The following DIS3L2 variants were observed in gnomAD, a reference collection of about 807,000 sequenced individuals.
DIS3L2 encodes DIS3 like 3'-5' exoribonuclease 2, also known as DIS3-like exonuclease 2.
In DIS3L2, 34 loss-of-function variants were observed where a neutral mutation model predicts 97.5. The observed-to-expected ratio is 0.35, with a 90% CI of 0.27 to 0.46. DIS3L2 has a LOEUF of 0.46. Among genes scored for constraint, DIS3L2 ranks in the 20% least tolerant of loss-of-function variants. The probability of loss-of-function intolerance (pLI) is 1.00; values close to 1 mark genes in which losing one functional copy is unlikely to be tolerated. For missense variants in DIS3L2, 1,038 were observed against 1,146.0 expected, an observed-to-expected ratio of 0.91 and a Z score of 1.36; for synonymous variants, 435 against 445.2, an observed-to-expected ratio of 0.98 and a Z score of 0.29.
In DIS3L2 at chr2:232,176,690, G is replaced by A. The variant is rs188539124; in HGVS notation, c.1124+13058G>A. ...TACAACCTCCGCCTTCCAGGCTCAAGTAATCCTCTTACCTCAGCCTACCAA... is the reference window on the plus strand; with the variant it reads ...TACAACCTCCGCCTTCCAGGCTCAAATAATCCTCTTACCTCAGCCTACCAA... On this transcript the variant is annotated intron_variant, in intron 9 of 20. Coordinates refer to ENST00000325385, the MANE Select transcript of DIS3L2 (RefSeq NM_152383.5). 4.4e-4 allele frequency among the ~76,000 whole-genome samples: 67 copies of A among 151,686 alleles called. No individual in the cohort carries two copies. In the East Asian group the frequency reaches 8.7e-3, roughly 20 times the overall value.
intron 6 of DIS3L2, among the ~76,000 whole-genome samples, chr2:232,127,395 A>C (rs886686802): frequency 1.3e-5 from 2 of 152,216 alleles, no homozygotes; most frequent in Non-Finnish European, 2.9e-5. Context: ...GACTTCTCTT[A>C]GCTGATAATC....
At chr2:232,166,679 G>A (rs573901765) in intron 9 of DIS3L2, among the ~76,000 whole-genome samples, 5 of 152,228 alleles carry the variant, frequency 3.3e-5, no homozygotes, top group African/African-American at 1.2e-4. Context: ...TCGCACCACT[G>A]CAATCCAGCG....
At chr2:232,297,042 T>C (rs1694741193) in intron 13 of DIS3L2, among the ~76,000 whole-genome samples, 1 of 152,182 alleles carries the variant, frequency 6.6e-6, no homozygotes, top group Non-Finnish European at 1.5e-5. Context: ...ATGCCAGATG[T>C]TACTGGCACA....
intron 9 of DIS3L2, among the ~76,000 whole-genome samples, chr2:232,207,413 G>T (rs1217243695): frequency 6.6e-6 from 1 of 152,154 alleles, no homozygotes; most frequent in East Asian, 1.9e-4. Context: ...ACATGTCTGA[G>T]GTGCAGCCTC....
At chr2:232,247,944 G>A (rs182054513) in intron 11 of DIS3L2, among the ~76,000 whole-genome samples, 1 of 152,302 alleles carries the variant, frequency 6.6e-6, no homozygotes, top group African/African-American at 2.4e-5. Flanking sequence ...AGCTGTTAGC[G>A]AAGGCTGGTA....
intron 1 of DIS3L2, among the ~76,000 whole-genome samples, chr2:231,990,615 G>A (rs963149424): frequency 6.6e-5 from 10 of 152,050 alleles, no homozygotes; most frequent in African/African-American, 2.4e-4. Flanking sequence ...ACATTTTTGG[G>A]CCTTATTTGG....
rs573975002 is a variant in DIS3L2 at position 232,065,263 on chromosome 2, T to C, written c.367-22224T>C. Among the ~76,000 whole-genome samples, 11 of 152,056 alleles carry C rather than the reference T, an allele frequency of 7.2e-5. No individual in the cohort carries two copies. In the East Asian group the frequency reaches 1.9e-3, roughly 27 times the overall value. ...TTGACCAGCAGCTCCCATTTCTTTT[T>C]CCCCCCAGCTCCTGGCAACCACCAT... On this transcript the variant is annotated intron_variant, in intron 5 of 20. Transcript: ENST00000325385.
At position 232,268,547 on chromosome 2, in the gene DIS3L2, T is replaced by TG. The variant is rs1184019812; in HGVS notation, c.1659+5108dup. 2.0e-5 allele frequency among the ~76,000 whole-genome samples: 3 copies of TG among 152,252 alleles called. No individual in the cohort carries two copies. Among genetic ancestry groups the TG allele is most frequent in the African/African-American group, 7.2e-5 (3 of 41,468 alleles). The stretch of plus-strand genomic sequence containing the variant: ...TGTTGTAGTGTGAAAACACCAGCGT[T>TG]GCTTTAAATGGATAAATGTGGCTGT... On this transcript the variant is annotated intron_variant, in intron 13 of 20. Transcript: ENST00000325385. This position sits in a 1 kb window ranked among gnomAD's most constrained non-coding sequence, Gnocchi z 4.1.
intron 5 of DIS3L2, among the ~76,000 whole-genome samples, chr2:232,036,119 A>C (rs747172458): frequency 1.3e-5 from 2 of 152,168 alleles, no homozygotes; most frequent in Non-Finnish European, 2.9e-5. Context: ...GTGTTTTCCA[A>C]CTTGGTTCCA....
intron 1 of DIS3L2, among the ~76,000 whole-genome samples, chr2:231,990,266 C>T (rs1693547352): frequency 6.6e-6 from 1 of 151,850 alleles, no homozygotes; most frequent in Admixed American, 6.6e-5. Flanking sequence ...TTCCTTCCTT[C>T]ACTGGATGGA....
Position 232,333,960 on chromosome 2 carries a change from G to T in DIS3L2, c.2131G>T (p.Val711Leu). The T allele has an allele frequency of 6.2e-7, 1 of 1,612,508 alleles. No individual in the cohort carries two copies. Reference protein sequence around the residue: ...SPIRRFADVLVHRLLAAALGY... With the variant: ...SPIRRFADVLLHRLLAAALGY... ...CATCCGCCGCTTTGCCGACGTCCTGGTGCACCGCCTCCTGGCTGCCGCGTT... is the reference window on the plus strand; with the variant it reads ...CATCCGCCGCTTTGCCGACGTCCTGTTGCACCGCCTCCTGGCTGCCGCGTT... The change falls in exon 17 of 21, where the codon GTG becomes TTG. Residue 711 changes from valine to leucine, a missense_variant. Around this residue, in one of 3 missense-constraint regions of DIS3L2, gnomAD observed 221 missense variants for 246.9 expected, o/e 0.90. Coordinates refer to ENST00000325385, the MANE Select transcript of DIS3L2 (RefSeq NM_152383.5).
intron 8 of DIS3L2, 85 bp downstream of exon 8, chr2:232,136,804 A>C (rs1698372494): frequency 1.3e-6 from 2 of 1,507,212 alleles, no homozygotes; most frequent in African/African-American, 2.8e-5. Context: ...TGTGTATTTT[A>C]ATTATTATTT....
rs565406794 is a variant in DIS3L2 at position 232,325,289 on chromosome 2, C to T, written c.1740-4524C>T. On this transcript the variant is annotated intron_variant, in intron 14 of 20. Coordinates refer to ENST00000325385, the MANE Select transcript of DIS3L2 (RefSeq NM_152383.5). The surrounding 1 kb of genome is among the most constrained non-coding windows in gnomAD (Gnocchi z 4.6). ...AGGGTGAAGGACGCCCTGTCGTAAA[C>T]GCATGAAGAGCCCTGCGTTTCATAT... Among the ~76,000 whole-genome samples, 839 of 152,322 alleles carry T rather than the reference C, an allele frequency of 5.5e-3. No homozygotes were observed. Among genetic ancestry groups the T allele is most frequent in the Non-Finnish European group, 9.7e-3 (663 of 68,030 alleles).
intron 5 of DIS3L2, among the ~76,000 whole-genome samples, chr2:232,049,700 C>A (rs1469127093): frequency 6.6e-6 from 1 of 152,292 alleles, no homozygotes; most frequent in Non-Finnish European, 1.5e-5. Context: ...GCATTTATTT[C>A]TTTAACTTTT....
intron 13 of DIS3L2, among the ~76,000 whole-genome samples, chr2:232,342,196 CACATACATATAT>C (rs1477712816): frequency 1.4e-5 from 2 of 144,936 alleles, no homozygotes; most frequent in African/African-American, 5.6e-5. Flanking sequence ...TACATATATA[CACATACATATAT>C]ACACATATAT....
chr2:232,118,644 G>GT (rs2106339322), intron 6 of DIS3L2, among the ~76,000 whole-genome samples: 1 of 152,256 alleles, frequency 6.6e-6, no homozygotes, highest in East Asian at 1.9e-4. Flanking sequence ...TTGCTCTCAT[G>GT]TTTAATTCCT....
intron 13 of DIS3L2, among the ~76,000 whole-genome samples, chr2:232,288,037 C>T (rs1045945222): frequency 6.6e-6 from 1 of 152,124 alleles, no homozygotes; most frequent in Non-Finnish European, 1.5e-5. Context: ...ATTCTTCTAC[C>T]AGGAGGTGCT....
chr2:232,210,622 C>A (rs904361222), intron 10 of DIS3L2, among the ~76,000 whole-genome samples: 2 of 152,232 alleles, frequency 1.3e-5, no homozygotes, highest in Non-Finnish European at 2.9e-5. Flanking sequence ...GAAATGTCCT[C>A]CCACTAGACT....
chr2:232,208,306 C>A (rs770980228), intron 9 of DIS3L2, among the ~76,000 whole-genome samples: 5 of 151,966 alleles, frequency 3.3e-5, no homozygotes, highest in Non-Finnish European at 7.4e-5. Flanking sequence ...CTCCTCCCCC[C>A]ACCCTTTTTT....
Sources: allele counts gnomAD v4.1 joint callset (sites outside exome capture counted in the v4.1 genomes callset), GRCh38; gene constraint gnomAD v4.1.1; regional missense constraint gnomAD v4.1.1; non-coding constraint Gnocchi (gnomAD v3.1); transcripts MANE v1.5; gene names NCBI Gene and HGNC (gene_info 2026-07-23, HGNC 2026-07-21).